Variants in GCH1 observed in about 807,000 individuals in gnomAD.
The protein encoded by GCH1 is GTP cyclohydrolase I.
GCH1 carries 5 observed loss-of-function variants against 25.9 expected under a neutral mutation model. The observed-to-expected ratio is 0.19, with a 90% CI of 0.10 to 0.41. The LOEUF (loss-of-function observed/expected upper bound fraction) is 0.41. GCH1 is among the 10% of genes least tolerant of loss of function. The probability of loss-of-function intolerance (pLI) is 1.00; values close to 1 mark genes in which losing one functional copy is unlikely to be tolerated. For missense variants in GCH1, 261 were observed against 336.5 expected (o/e 0.78, Z 1.75); for synonymous variants, 159 against 129.6 (o/e 1.23, Z -1.54).
intron 1 of GCH1, among the ~76,000 whole-genome samples, chr14:54,868,256 A>G (rs1050471630): frequency 1.3e-5 from 2 of 152,074 alleles, no homozygotes; most frequent in Non-Finnish European, 2.9e-5. Flanking sequence ...TCCACAAAAA[A>G]TAAGAAAAAA....
chr14:54,902,409 G>A lies in GCH1; in HGVS notation c.255C>T (p.Asn85=), dbSNP rs752645828. 3.7e-6 allele frequency: 6 copies of A among 1,613,142 alleles called. No homozygotes were observed. Among genetic ancestry groups the A allele is most frequent in the Non-Finnish European group, 5.1e-6 (6 of 1,179,836 alleles). The change falls in exon 1 of 6, where the codon AAC becomes AAT. Residue 85 remains asparagine (N), a synonymous_variant. Transcript: ENST00000491895. ...YSSILSSLGE[N]PQRQGLLKTP... ...TCTTGAGCAGCCCTTGCCGCTGGGG[G>A]TTCTCGCCCAGCGAGCTCAGGATGG...
chr14:54,881,313 C>T (rs181456274), intron 1 of GCH1, among the ~76,000 whole-genome samples: 18 of 152,244 alleles, frequency 1.2e-4, no homozygotes, highest in African/African-American at 4.1e-4. Context: ...GTGCTGCAAA[C>T]TCTTTCAAAA....
In GCH1 at chr14:54,870,550, C is replaced by T. The variant is rs904534526; in HGVS notation, c.344-5114G>A. Among the ~76,000 whole-genome samples the T allele has an allele frequency of 5.3e-5, 8 of 152,132 alleles. No individual in the cohort carries two copies. In the South Asian group the frequency reaches 6.2e-4, roughly 12 times the overall value. On this transcript the variant is annotated intron_variant, in intron 1 of 5. Coordinates refer to ENST00000491895, the MANE Select transcript of GCH1 (RefSeq NM_000161.3). Reference sequence around the variant, plus strand: ...CCCAGTGAGCCAAAGCAGGGCGAGGCGTCACCTCACCCGGGAAGCACAAGG... The same window carrying T: ...CCCAGTGAGCCAAAGCAGGGCGAGGTGTCACCTCACCCGGGAAGCACAAGG...
rs564878444 is a variant in GCH1 at position 54,900,957 on chromosome 14, G to T, written c.343+1364C>A. Among the ~76,000 whole-genome samples, 18 of 151,600 alleles carry T rather than the reference G, an allele frequency of 1.2e-4. No individual in the cohort carries two copies. The South Asian group carries it at 2.7e-3, about 23-fold the overall frequency. On this transcript the variant is annotated intron_variant, in intron 1 of 5. Coordinates refer to ENST00000491895, the MANE Select transcript of GCH1 (RefSeq NM_000161.3). The stretch of plus-strand genomic sequence containing the variant: ...ACTGAAAGTTTATTTTTCAGTCTTT[G>T]TATTTTGAAATCTCTTCTGAGATTC...
chr14:54,885,813 C>CAGG (rs2040343753), intron 1 of GCH1: 1 of 180,414 alleles, frequency 5.5e-6, no homozygotes, highest in Admixed American at 6.1e-5. Flanking sequence ...TACTTGAACC[C>CAGG]AGGAGGTGGA....
intron 1 of GCH1, among the ~76,000 whole-genome samples, chr14:54,870,429 C>A (rs1020720709): frequency 4.6e-5 from 7 of 151,214 alleles, no homozygotes; most frequent in African/African-American, 1.5e-4. Context: ...GTGAGCAACG[C>A]ATAAGACGGG....
At chr14:54,878,866 C>G (rs2040201392) in intron 1 of GCH1, among the ~76,000 whole-genome samples, 1 of 152,288 alleles carries the variant, frequency 6.6e-6, no homozygotes, top group South Asian at 2.1e-4. Context: ...CAGACTCAAG[C>G]AATCCTCCCA....
intron 1 of GCH1, among the ~76,000 whole-genome samples, chr14:54,883,924 C>A (rs530151268): frequency 1.3e-5 from 2 of 152,152 alleles, no homozygotes; most frequent in South Asian, 2.1e-4. Context: ...AGAACCTCTA[C>A]GTGGTTCTTT....
At position 54,902,820 on chromosome 14, in the gene GCH1, A is replaced by G; in HGVS notation, c.-157T>C. The G allele has an allele frequency of 9.8e-7, 1 of 1,020,036 alleles. No individual in the cohort carries two copies. Among genetic ancestry groups the G allele is most frequent in the Non-Finnish European group, 1.3e-6 (1 of 786,308 alleles). 63.2% of individuals were successfully genotyped at this position (1,020,036 alleles called of 1,614,324 possible). ...ATCACACTCCGAGCCGGGAGCGGCC[A>G]CAGGCTGGAAAGCCCGGCCGCGCCT... On this transcript the variant is annotated 5_prime_UTR_variant, in exon 1 of 6. Coordinates refer to ENST00000491895, the MANE Select transcript of GCH1 (RefSeq NM_000161.3).
At chr14:54,871,235 C>T (rs1276408376) in intron 1 of GCH1, among the ~76,000 whole-genome samples, 1 of 152,200 alleles carries the variant, frequency 6.6e-6, no homozygotes, top group Non-Finnish European at 1.5e-5. Flanking sequence ...CCCAGGCAAA[C>T]AGGGTCTGGA....
At chr14:54,857,008 T>C (rs1224317387) in intron 3 of GCH1, among the ~76,000 whole-genome samples, 5 of 152,220 alleles carry the variant, frequency 3.3e-5, no homozygotes, top group Admixed American at 3.3e-4. Context: ...CAGTGAAGTT[T>C]TGCTAAGACA....
chr14:54,871,793 G>A (rs2040083421), intron 1 of GCH1, among the ~76,000 whole-genome samples: 1 of 152,282 alleles, frequency 6.6e-6, no homozygotes, highest in South Asian at 2.1e-4. Context: ...GAGAAGTTTA[G>A]AGAAAAAAGA....
At chr14:54,901,991 G>A (rs1412358199) in intron 1 of GCH1, among the ~76,000 whole-genome samples, 1 of 152,196 alleles carries the variant, frequency 6.6e-6, no homozygotes, top group East Asian at 1.9e-4. Flanking sequence ...AGAATCCCGC[G>A]CTGGGCGCTC....
chr14:54,861,793 G>A (rs1319203358), intron 2 of GCH1, among the ~76,000 whole-genome samples: 10 of 151,880 alleles, frequency 6.6e-5, no homozygotes, highest in Non-Finnish European at 1.5e-4. Context: ...CACTGAGGAA[G>A]TAATAGCAGA....
intron 1 of GCH1, among the ~76,000 whole-genome samples, chr14:54,887,918 T>C (rs2040373700): frequency 1.3e-5 from 2 of 152,230 alleles, no homozygotes; most frequent in African/African-American, 4.8e-5. Context: ...CAGTGAATAT[T>C]AGTTTTTTCG....
rs1161730704 is a variant in GCH1 at position 54,880,486 on chromosome 14, TATATATATATACTCC to T, written c.344-15065_344-15051del. 4.2e-4 allele frequency among the ~76,000 whole-genome samples: 46 copies of T among 110,756 alleles called. 1 individual carries two copies. The highest frequency in any genetic ancestry group is 7.4e-4 in the South Asian group (3 of 4,044). The allele number at this position is 110,756 out of a possible 152,430, so 72.7% of individuals were successfully genotyped here. A position where few individuals can be genotyped will look rare whatever the true frequency, so the allele number is the denominator to read the frequency against. ...ACTCCATATATATATATACACTCCA[TATATATATATACTCC>T]ATATATATATATACTCCATATATAT... is the stretch of plus-strand genomic sequence containing the variant. On this transcript the variant is annotated intron_variant, in intron 1 of 5. Transcript: ENST00000491895.
intron 3 of GCH1, among the ~76,000 whole-genome samples, chr14:54,850,686 T>A (rs2039715979): frequency 6.6e-6 from 1 of 152,116 alleles, no homozygotes; most frequent in African/African-American, 2.4e-5. Context: ...TGTCCAAGTG[T>A]TCTCATTGTT....
At chr14:54,881,426 A>G (rs2040271072) in intron 1 of GCH1, among the ~76,000 whole-genome samples, 2 of 152,196 alleles carry the variant, frequency 1.3e-5, no homozygotes, top group African/African-American at 2.4e-5. Context: ...TCCTACAAGT[A>G]AGAGCATGTT....
intron 1 of GCH1, among the ~76,000 whole-genome samples, chr14:54,867,973 G>A (rs990184535): frequency 1.3e-5 from 2 of 152,198 alleles, no homozygotes; most frequent in Admixed American, 6.5e-5. Flanking sequence ...AACTTTGCCA[G>A]TAACAGGACA....
Sources: gnomAD v4.1 joint callset for allele counts (sites outside exome capture counted in the v4.1 genomes callset) on GRCh38, gnomAD v4.1.1 for gene constraint, MANE v1.5 for transcripts, NCBI Gene and HGNC (gene_info 2026-07-23, HGNC 2026-07-21) for gene names.